NUDT5: variants seen among roughly 807,000 people sequenced by gnomAD.
NUDT5 encodes the protein ADP-sugar pyrophosphatase.
A neutral mutation model predicts 34.1 loss-of-function variants in NUDT5; 21 were observed. The observed-to-expected ratio is 0.62, with a 90% CI of 0.44 to 0.89. NUDT5 has a LOEUF of 0.89. Among genes scored for constraint, NUDT5 ranks in the 40% least tolerant of loss-of-function variants. The pLI is 0.00. For synonymous variants in NUDT5, 85 were observed against 97.6 expected (o/e 0.87, Z 0.76); for missense variants, 249 against 274.8 (o/e 0.91, Z 0.66).
intron 1 of NUDT5, among the ~76,000 whole-genome samples, chr10:12,191,136 C>G (rs1835220265): frequency 6.6e-6 from 1 of 152,202 alleles, no homozygotes; most frequent in Non-Finnish European, 1.5e-5. Flanking sequence ...ATAATCCCAG[C>G]ACTTGGGGAG....
rs1834665866 is a variant in NUDT5 at position 12,165,821 on chromosome 10, G to C, written c.*1881C>G. 6.6e-6 allele frequency: 1 copy of C among 152,226 alleles called. No individual in the cohort carries two copies. 9.4% of individuals were successfully genotyped at this position (152,226 alleles called of 1,614,324 possible). On this transcript the variant is annotated 3_prime_UTR_variant, in exon 10 of 10. Coordinates refer to ENST00000491614, the MANE Select transcript of NUDT5 (RefSeq NM_014142.4). The stretch of plus-strand genomic sequence containing the variant: ...TCGCAGGGCAAGGCAGATAAAGGCA[G>C]GCAGGATAGTGACAGTGGCTCGGTG...
intron 1 of NUDT5, among the ~76,000 whole-genome samples, chr10:12,194,286 G>C (rs2131722754): frequency 6.6e-6 from 1 of 152,314 alleles, no homozygotes; most frequent in East Asian, 1.9e-4. Flanking sequence ...GAAAACATCT[G>C]ACCTAAATAA....
intron 3 of NUDT5, 112 bp downstream of exon 3, chr10:12,184,777 T>C (rs2131712609): frequency 1.4e-6 from 1 of 701,982 alleles, no homozygotes; most frequent in East Asian, 2.7e-5. Flanking sequence ...TAAATCAGAT[T>C]ATTTAAAACA....
In NUDT5 at chr10:12,183,666, T is replaced by G. The variant is rs60908453; in HGVS notation, c.131+1223A>C. 3.1e-3 allele frequency among the ~76,000 whole-genome samples: 465 copies of G among 152,346 alleles called. 8 individuals carry two copies. The highest frequency in any genetic ancestry group is 0.011 in the African/African-American group (440 of 41,586). On this transcript the variant is annotated intron_variant, in intron 3 of 9. Transcript: ENST00000491614. ...AATTAATTTTCATAGTATTTTCTTC[T>G]TATAGTTTATAATATCAAAAGATTG...
At chr10:12,177,707 C>T in intron 5 of NUDT5, 86 bp downstream of exon 5, 1 of 977,386 alleles carries the variant, frequency 1.0e-6, no homozygotes, top group Admixed American at 1.9e-5. Context: ...AGATTAAAAA[C>T]TGCAGAGCTG....
At chr10:12,174,193 C>G (rs1834910720) in intron 5 of NUDT5, among the ~76,000 whole-genome samples, 1 of 151,010 alleles carries the variant, frequency 6.6e-6, no homozygotes, top group Non-Finnish European at 1.5e-5. Flanking sequence ...AACACACCTG[C>G]TGCTGCACTA....
chr10:12,177,928 A>G (rs371646165), intron 4 of NUDT5, 28 bp from the exon 5 acceptor site: 27 of 1,563,692 alleles, frequency 1.7e-5, no homozygotes, highest in Non-Finnish European at 2.3e-5. Context: ...AACCAAGGAA[A>G]TCCCTAATGA....
Position 12,170,268 on chromosome 10 carries a change from C to A in NUDT5, c.550+449G>T. 1 of 1,348,380 alleles carries A rather than the reference C, an allele frequency of 7.4e-7. No individual in the cohort carries two copies. The highest frequency in any genetic ancestry group is 1.1e-6 in the Non-Finnish European group (1 of 946,220). 83.5% of individuals were successfully genotyped at this position (1,348,380 alleles called of 1,614,324 possible). A position where few individuals can be genotyped will look rare whatever the true frequency, so the allele number is the denominator to read the frequency against. The stretch of plus-strand genomic sequence containing the variant: ...TGAAAAGCATATCACACGGAGTATA[C>A]AGGAAATACCTCAAGTATTTGTTGA... On this transcript the variant is annotated intron_variant, in intron 9 of 9. Coordinates refer to ENST00000491614, the MANE Select transcript of NUDT5 (RefSeq NM_014142.4). This position sits in a 1 kb window ranked among gnomAD's most constrained non-coding sequence, Gnocchi z 4.9.
chr10:12,167,370 A>G lies in NUDT5; in HGVS notation c.*332T>C, dbSNP rs770063108. 7 of 205,266 alleles carry G rather than the reference A, an allele frequency of 3.4e-5. No individual in the cohort carries two copies. Among genetic ancestry groups the G allele is most frequent in the Admixed American group, 5.3e-5 (1 of 18,968 alleles). 12.7% of individuals were successfully genotyped at this position (205,266 alleles called of 1,614,324 possible). On this transcript the variant is annotated 3_prime_UTR_variant, in exon 10 of 10. Coordinates refer to ENST00000491614, the MANE Select transcript of NUDT5 (RefSeq NM_014142.4). ...GTGGAAATGACCTAATTGAGAACTC[A>G]GGTCTATTTCTCTATACAAATACCC...
In NUDT5 at chr10:12,165,739, G is replaced by A. The variant is rs541881762; in HGVS notation, c.*1963C>T. The A allele has an allele frequency of 1.3e-5, 2 of 152,152 alleles. No homozygotes were observed. Among genetic ancestry groups the A allele is most frequent in the Non-Finnish European group, 2.9e-5 (2 of 68,030 alleles). The allele number at this position is 152,152 out of a possible 1,614,324, so 9.4% of individuals were successfully genotyped here. ...TTCAGAAGTATGGGTTTTCATTGCT[G>A]TTTAGTTTCTTAGGTGTGGTATGTC... On this transcript the variant is annotated 3_prime_UTR_variant, in exon 10 of 10. Transcript: ENST00000491614.
At chr10:12,176,248 G>A (rs1333690956) in intron 5 of NUDT5, among the ~76,000 whole-genome samples, 1 of 151,936 alleles carries the variant, frequency 6.6e-6, no homozygotes, top group Admixed American at 6.6e-5. Context: ...TCAGTAAAAT[G>A]GTGAGGAAAT....
At chr10:12,194,117 C>T (rs1835286835) in intron 1 of NUDT5, among the ~76,000 whole-genome samples, 1 of 152,206 alleles carries the variant, frequency 6.6e-6, no homozygotes, top group South Asian at 2.1e-4. Context: ...TCAGGTGATG[C>T]GCCCGCCTCG....
At chr10:12,172,690 T>C in intron 7 of NUDT5, 75 bp downstream of exon 7, 3 of 946,260 alleles carry the variant, frequency 3.2e-6, no homozygotes, top group Non-Finnish European at 5.1e-6. Flanking sequence ...ATTCTTTTAA[T>C]AAATCAAACT....
At chr10:12,176,461 G>A (rs1235193867) in intron 5 of NUDT5, among the ~76,000 whole-genome samples, 4 of 151,588 alleles carry the variant, frequency 2.6e-5, no homozygotes, top group Non-Finnish European at 5.9e-5. Context: ...AAAATTAGCC[G>A]GGTGTGGTGG....
At position 12,165,492 on chromosome 10, in the gene NUDT5, C is replaced by A; in HGVS notation, c.*2210G>T. On this transcript the variant is annotated 3_prime_UTR_variant, in exon 10 of 10. Transcript: ENST00000491614. ...CCTGTAAAAGTCAAATGTAATTACA[C>A]TTCAAACTTTAATCCTAAATTATTG... 2.6e-6 allele frequency: 1 copy of A among 388,228 alleles called. No homozygotes were observed. Among genetic ancestry groups the A allele is most frequent in the Non-Finnish European group, 3.5e-6 (1 of 284,412 alleles). 24.0% of individuals were successfully genotyped at this position (388,228 alleles called of 1,614,324 possible).
Position 12,170,317 on chromosome 10 carries a change from G to C in NUDT5, c.550+400C>G. 1 of 942,516 alleles carries C rather than the reference G, an allele frequency of 1.1e-6. No homozygotes were observed. Among genetic ancestry groups the C allele is most frequent in the Middle Eastern group, 2.6e-4 (1 of 3,888 alleles). The allele number at this position is 942,516 out of a possible 1,614,324, so 58.4% of individuals were successfully genotyped here. A position where few individuals can be genotyped will look rare whatever the true frequency, so the allele number is the denominator to read the frequency against. Reference sequence around the variant, plus strand: ...GAAGGAGCATCATCAATTTCTCCTTGAACATACAGCCTCCACAAAGGACCA... The same window carrying C: ...GAAGGAGCATCATCAATTTCTCCTTCAACATACAGCCTCCACAAAGGACCA... On this transcript the variant is annotated intron_variant, in intron 9 of 9. Coordinates refer to ENST00000491614, the MANE Select transcript of NUDT5 (RefSeq NM_014142.4). This position sits in a 1 kb window ranked among gnomAD's most constrained non-coding sequence, Gnocchi z 4.9.
At position 12,182,273 on chromosome 10, in the gene NUDT5, T is replaced by C. The variant is rs1017274310; in HGVS notation, c.131+2616A>G. Among the ~76,000 whole-genome samples the C allele has an allele frequency of 2.0e-5, 3 of 152,210 alleles. No homozygotes were observed. Among genetic ancestry groups the C allele is most frequent in the Non-Finnish European group, 2.9e-5 (2 of 68,030 alleles). ...AGAGTCAGGTGTGGAATTCTCCAGCTGGGGCATCATGTTGGCAATGAAAAG... is the reference window on the plus strand; with the variant it reads ...AGAGTCAGGTGTGGAATTCTCCAGCCGGGGCATCATGTTGGCAATGAAAAG... On this transcript the variant is annotated intron_variant, in intron 3 of 9. Transcript: ENST00000491614. The surrounding 1 kb of genome is among the most constrained non-coding windows in gnomAD (Gnocchi z 4.3).
At chr10:12,176,405 A>T (rs539244261) in intron 5 of NUDT5, among the ~76,000 whole-genome samples, 10 of 151,666 alleles carry the variant, frequency 6.6e-5, no homozygotes, top group African/African-American at 2.2e-4. Context: ...GGAGTTCGAG[A>T]CCAATCTGGT....
intron 1 of NUDT5, among the ~76,000 whole-genome samples, 171 bp downstream of exon 1, chr10:12,195,599 C>T (rs1374088126): frequency 2.0e-5 from 3 of 152,228 alleles, no homozygotes; most frequent in East Asian, 1.9e-4. Flanking sequence ...CTCCAATCCA[C>T]AATTTCCCTC....
Sources: gnomAD v4.1 joint callset for allele counts (sites outside exome capture counted in the v4.1 genomes callset) on GRCh38, gnomAD v4.1.1 for gene constraint, Gnocchi (gnomAD v3.1) non-coding constraint, MANE v1.5 for transcripts, NCBI Gene and HGNC (gene_info 2026-07-23, HGNC 2026-07-21) for gene names.